TENT5C: variants seen among roughly 807,000 people sequenced by gnomAD.
TENT5C encodes terminal nucleotidyltransferase 5C.
Under a neutral mutation model 22.2 loss-of-function variants are expected in TENT5C, and 5 were observed. The observed-to-expected ratio is 0.22, with a 90% confidence interval of 0.12 to 0.47. The LOEUF is 0.47. Ranked by LOEUF, TENT5C falls within the 20% of genes least tolerant of loss-of-function variation. TENT5C has a pLI of 0.99. For missense variants in TENT5C, 364 were observed against 500.9 expected (o/e 0.73, Z 2.61); for synonymous variants, 199 against 195.4 (o/e 1.02, Z -0.15).
Position 117,623,645 on chromosome 1 carries a change from C to T in TENT5C, c.777C>T (p.Asp259=). ...NLLVRDFRPT[D]QEEIKTLERY... ...TTGTGCGGGACTTCAGGCCCACAGA[C>T]CAGGAAGAAATCAAAACTCTAGAGC... Residue 259 remains aspartate (D), a synonymous_variant, in exon 2 of 2, where the codon GAC becomes GAT. Transcript: ENST00000369448. The T allele has an allele frequency of 6.2e-7, 1 of 1,613,878 alleles. No homozygotes were observed.
rs1052739612 is a variant in TENT5C, at chr1:117,627,555, C to T, written c.*3511C>T. 2 of 248,060 alleles carry T rather than the reference C, an allele frequency of 8.1e-6. No homozygotes were observed. The highest frequency in any genetic ancestry group is 4.4e-5 in the African/African-American group (2 of 45,356). 15.4% of individuals were successfully genotyped at this position (248,060 alleles called of 1,614,324 possible). A position where few individuals can be genotyped will look rare whatever the true frequency, so the allele number is the denominator to read the frequency against. ...AATGGTGAGACGAGACCCTGACGCT[C>T]ATAGAGGCCATTCCTTCCTGGGTGT... is the stretch of plus-strand genomic sequence containing the variant. On this transcript the variant is annotated 3_prime_UTR_variant, in exon 2 of 2. Transcript: ENST00000369448.
intron 1 of TENT5C, among the ~76,000 whole-genome samples, chr1:117,617,695 C>G (rs1019536219): frequency 1.3e-5 from 2 of 152,140 alleles, no homozygotes; most frequent in East Asian, 3.8e-4. Flanking sequence ...TAACCAGGGC[C>G]TTTCATGAAT....
chr1:117,621,435 G>A (rs1653892520), intron 1 of TENT5C, among the ~76,000 whole-genome samples: 1 of 152,074 alleles, frequency 6.6e-6, no homozygotes, highest in Admixed American at 6.5e-5. Flanking sequence ...ACACTGCCTT[G>A]TATTGATAGC....
chr1:117,617,214 T>C (rs1653801326), intron 1 of TENT5C, among the ~76,000 whole-genome samples: 2 of 151,844 alleles, frequency 1.3e-5, no homozygotes, highest in African/African-American at 2.4e-5. Flanking sequence ...TTTTTTTTTT[T>C]CTTTTCAGTG....
At position 117,623,219 on chromosome 1, in the gene TENT5C, G is replaced by A; in HGVS notation, c.351G>A (p.Leu117=). ...GAGATGTGGTTCTGTGTTCCCTTCT[G>A]AACTTCCTGCCAGAGGGTGTGAACA... is the stretch of plus-strand genomic sequence containing the variant. The part of the protein sequence containing the change: ...LVRDVVLCSL[L]NFLPEGVNKL... Residue 117 remains leucine, a synonymous_variant, in exon 2 of 2, where the codon CTG becomes CTA. Transcript: ENST00000369448. The A allele has an allele frequency of 1.2e-6, 2 of 1,614,146 alleles. No homozygotes were observed. The highest frequency in any genetic ancestry group is 4.5e-5 in the East Asian group (2 of 44,870).
chr1:117,621,735 T>C (rs1239176310), intron 1 of TENT5C, among the ~76,000 whole-genome samples: 5 of 152,208 alleles, frequency 3.3e-5, no homozygotes, highest in Non-Finnish European at 5.9e-5. Flanking sequence ...GACAGCGCCT[T>C]GACACTTTGT....
At chr1:117,614,153 C>T (rs1285454209) in intron 1 of TENT5C, among the ~76,000 whole-genome samples, 1 of 152,104 alleles carries the variant, frequency 6.6e-6, no homozygotes, top group Non-Finnish European at 1.5e-5. Context: ...GGGGGTCTGG[C>T]CCTAGGGAGG....
At chr1:117,608,935 G>T (rs1429829874) in intron 1 of TENT5C, among the ~76,000 whole-genome samples, 1 of 152,166 alleles carries the variant, frequency 6.6e-6, no homozygotes, top group African/African-American at 2.4e-5. Context: ...AATGTGGAAT[G>T]TGAGGTTACT....
chr1:117,611,444 C>T (rs1364223790), intron 1 of TENT5C, among the ~76,000 whole-genome samples: 1 of 152,222 alleles, frequency 6.6e-6, no homozygotes, highest in Admixed American at 6.5e-5. Context: ...CTTCAGCCTT[C>T]AGCTTCTTCA....
intron 1 of TENT5C, among the ~76,000 whole-genome samples, chr1:117,620,324 C>T (rs187759173): frequency 6.6e-6 from 1 of 152,316 alleles, no homozygotes; most frequent in Admixed American, 6.5e-5. Context: ...AAAATTGTTG[C>T]TTGTATCTCA....
chr1:117,616,147 C>T (rs1653776666), intron 1 of TENT5C, among the ~76,000 whole-genome samples: 1 of 152,162 alleles, frequency 6.6e-6, no homozygotes, highest in South Asian at 2.1e-4. Flanking sequence ...GGTCAATTCG[C>T]TTAATCTTTT....
intron 1 of TENT5C, among the ~76,000 whole-genome samples, chr1:117,615,451 T>TTG (rs1373968665): frequency 1.3e-5 from 2 of 152,230 alleles, no homozygotes; most frequent in African/African-American, 2.4e-5. Flanking sequence ...TTATGGGTTG[T>TTG]TATAGAAATC....
chr1:117,616,714 C>T (rs1570860183), intron 1 of TENT5C, among the ~76,000 whole-genome samples: 1 of 152,170 alleles, frequency 6.6e-6, no homozygotes, highest in Admixed American at 6.5e-5. Context: ...AGAATTTGTC[C>T]CCAAAGGAAG....
At chr1:117,609,841 C>T (rs949776598) in intron 1 of TENT5C, among the ~76,000 whole-genome samples, 10 of 152,016 alleles carry the variant, frequency 6.6e-5, no homozygotes, top group Admixed American at 3.3e-4. Context: ...AAGAGGGAGG[C>T]GTACTTGAAG....
rs571835047 is a variant in TENT5C at position 117,626,824 on chromosome 1, CTT to C, written c.*2784_*2785del. Reference sequence around the variant, plus strand: ...TTTGTTTCGGGACTCTGATTTGACTCTTTTTCTGATGCTTTCGGCATGTCTGC... The same window carrying C: ...TTTGTTTCGGGACTCTGATTTGACTCTTTCTGATGCTTTCGGCATGTCTGC... On this transcript the variant is annotated 3_prime_UTR_variant, in exon 2 of 2. Coordinates refer to ENST00000369448, the MANE Select transcript of TENT5C (RefSeq NM_017709.4). 2.0e-3 allele frequency: 490 copies of C among 247,750 alleles called. 2 individuals are homozygous for C. The highest frequency in any genetic ancestry group is 7.7e-3 in the African/African-American group (348 of 45,472). The allele number at this position is 247,750 out of a possible 1,614,324, so 15.3% of individuals were successfully genotyped here. A position where few individuals can be genotyped will look rare whatever the true frequency, so the allele number is the denominator to read the frequency against.
intron 1 of TENT5C, among the ~76,000 whole-genome samples, chr1:117,618,231 A>G (rs1228554392): frequency 1.3e-5 from 2 of 152,336 alleles, no homozygotes; most frequent in Admixed American, 6.5e-5. Flanking sequence ...AGTGTTTGTT[A>G]AAGTTTTTGC....
At chr1:117,609,014 C>T (rs1241661039) in intron 1 of TENT5C, among the ~76,000 whole-genome samples, 2 of 152,154 alleles carry the variant, frequency 1.3e-5, no homozygotes, top group Admixed American at 6.5e-5. Flanking sequence ...GTAAACAAGG[C>T]ACTGTAGGAA....
chr1:117,612,968 C>T (rs747679756), intron 1 of TENT5C, among the ~76,000 whole-genome samples: 2 of 152,186 alleles, frequency 1.3e-5, no homozygotes, highest in African/African-American at 2.4e-5. Flanking sequence ...CGGAGGCTGT[C>T]AGCTCTTAAA....
intron 1 of TENT5C, among the ~76,000 whole-genome samples, chr1:117,618,663 A>G (rs187493175): frequency 6.6e-6 from 1 of 152,294 alleles, no homozygotes; most frequent in Non-Finnish European, 1.5e-5. Context: ...GAAGGCTCCT[A>G]AGGGAGAAGC....
Sources: gnomAD v4.1 joint callset for allele counts (sites outside exome capture counted in the v4.1 genomes callset) on GRCh38, gnomAD v4.1.1 for gene constraint, MANE v1.5 for transcripts, NCBI Gene and HGNC (gene_info 2026-07-23, HGNC 2026-07-21) for gene names.